SLC4A10: variants seen among roughly 807,000 people sequenced by gnomAD.
SLC4A10 encodes solute carrier family 4 member 10.
A neutral mutation model predicts 137.7 loss-of-function variants in SLC4A10; 42 were observed. The observed-to-expected ratio is 0.30, with a 90% CI of 0.24 to 0.39. The LOEUF is 0.39. Among genes scored for constraint, SLC4A10 ranks in the 10% least tolerant of loss-of-function variants. The probability of loss-of-function intolerance (pLI) is 1.00; values close to 1 mark genes in which losing one functional copy is unlikely to be tolerated. For synonymous variants in SLC4A10, 474 were observed against 464.1 expected (o/e 1.02, Z -0.27); for missense variants, 925 against 1,355.0 (o/e 0.68, Z 4.98).
At chr2:161,654,444 G>A (rs1001935208) in intron 1 of SLC4A10, among the ~76,000 whole-genome samples, 5 of 152,098 alleles carry the variant, frequency 3.3e-5, no homozygotes, top group South Asian at 2.1e-4. Context: ...TATTATAGTC[G>A]TGAAATCATT....
At position 161,976,766 on chromosome 2, in the gene SLC4A10, T is replaced by C. The variant is rs1184443597; in HGVS notation, c.3234T>C (p.Asp1078=). ...QLPLEGHYRD[D]PSVINISDEM... ...TGGGGAAACTCCTGTCTAGAGATGA[T>C]CCATCTGTGATCAATATATCTGATG... Residue 1078 remains aspartate, a synonymous_variant, in exon 25 of 27, where the codon GAT becomes GAC. Coordinates refer to ENST00000446997, the MANE Select transcript of SLC4A10 (RefSeq NM_001178015.2). The C allele has an allele frequency of 1.3e-6, 2 of 1,563,542 alleles. No homozygotes were observed. The highest frequency in any genetic ancestry group is 1.7e-6 in the Non-Finnish European group (2 of 1,150,666).
In SLC4A10 at chr2:161,712,083, A is replaced by G. The variant is rs74764172; in HGVS notation, c.49-58890A>G. Among the ~76,000 whole-genome samples, 1,044 of 152,000 alleles carry G rather than the reference A, an allele frequency of 6.9e-3. 20 individuals are homozygous for G. The highest frequency in any genetic ancestry group is 0.024 in the African/African-American group (1,016 of 41,520). The stretch of plus-strand genomic sequence containing the variant: ...TCTTTATCAAATAAGAAATTCAGCC[A>G]AAAATATATGCTACACTGAAATATA... On this transcript the variant is annotated intron_variant, in intron 1 of 26. Coordinates refer to ENST00000446997, the MANE Select transcript of SLC4A10 (RefSeq NM_001178015.2).
intron 15 of SLC4A10, among the ~76,000 whole-genome samples, chr2:161,938,857 C>T (rs1016086703): frequency 3.3e-5 from 5 of 151,614 alleles, no homozygotes; most frequent in Non-Finnish European, 1.5e-5. Context: ...ATAGTCCATA[C>T]ATATCCTAGG....
At chr2:161,696,842 A>G (rs1475150540) in intron 1 of SLC4A10, among the ~76,000 whole-genome samples, 1 of 152,118 alleles carries the variant, frequency 6.6e-6, no homozygotes, top group Non-Finnish European at 1.5e-5. Flanking sequence ...TGCTGGATCA[A>G]ATGGTATTTC....
chr2:161,779,685 C>G (rs1055003798), intron 2 of SLC4A10, among the ~76,000 whole-genome samples: 2 of 151,948 alleles, frequency 1.3e-5, no homozygotes, highest in African/African-American at 4.8e-5. Context: ...CCTCTACTTT[C>G]TAATATTTTA....
At position 161,957,241 on chromosome 2, in the gene SLC4A10, G is replaced by A. The variant is rs1695821464; in HGVS notation, c.2793+1G>A. ...AGTCTTTATGACCAGTATTCTGAAGGTAACAAAATCTGTCTTTATGAACTT... is the reference window on the plus strand; with the variant it reads ...AGTCTTTATGACCAGTATTCTGAAGATAACAAAATCTGTCTTTATGAACTT... On this transcript the variant is annotated splice_donor_variant, in intron 20 of 26. Coordinates refer to ENST00000446997, the MANE Select transcript of SLC4A10 (RefSeq NM_001178015.2). LOFTEE classifies it high-confidence loss of function. 1 of 1,610,426 alleles carries A rather than the reference G, an allele frequency of 6.2e-7. No individual in the cohort carries two copies. The highest frequency in any genetic ancestry group is 8.5e-7 in the Non-Finnish European group (1 of 1,178,226).
intron 1 of SLC4A10, among the ~76,000 whole-genome samples, chr2:161,686,780 T>C (rs569476678): frequency 1.3e-5 from 2 of 152,164 alleles, no homozygotes; most frequent in Non-Finnish European, 2.9e-5. Context: ...AGCAAGTTTA[T>C]TAAGGAAGTA....
intron 2 of SLC4A10, among the ~76,000 whole-genome samples, chr2:161,775,269 A>G (rs2052179524): frequency 6.6e-6 from 1 of 151,872 alleles, no homozygotes; most frequent in Non-Finnish European, 1.5e-5. Flanking sequence ...CCTCAGGAAC[A>G]TGGTATGCAG....
chr2:161,686,512 G>A (rs1425032100), intron 1 of SLC4A10, among the ~76,000 whole-genome samples: 4 of 152,134 alleles, frequency 2.6e-5, no homozygotes, highest in Admixed American at 6.5e-5. Flanking sequence ...TTGACAATAT[G>A]TATGTGGAGC....
chr2:161,918,268 G>C (rs1474538904), intron 15 of SLC4A10, among the ~76,000 whole-genome samples: 1 of 152,054 alleles, frequency 6.6e-6, no homozygotes, highest in Non-Finnish European at 1.5e-5. Flanking sequence ...TGATTCTCCT[G>C]TCTTAGTCTC....
chr2:161,740,324 C>T (rs1038774345), intron 1 of SLC4A10, among the ~76,000 whole-genome samples: 8 of 152,172 alleles, frequency 5.3e-5, no homozygotes, highest in African/African-American at 1.9e-4. Context: ...AGAGTCAGTT[C>T]TAGCTCCCTG....
chr2:161,829,070 T>C (rs2058245702), intron 3 of SLC4A10, among the ~76,000 whole-genome samples: 6 of 151,948 alleles, frequency 3.9e-5, no homozygotes, highest in African/African-American at 1.5e-4. Context: ...TATTATGTCC[T>C]TAATGCTGGT....
At chr2:161,779,321 T>C (rs10469686) in intron 2 of SLC4A10, among the ~76,000 whole-genome samples, 39,572 of 151,824 alleles carry the variant, frequency 0.26, 7,591 homozygotes, top group African/African-American at 0.55. Flanking sequence ...CACCTCCCAA[T>C]ACTGCCACAT....
At chr2:161,710,573 A>G in intron 1 of SLC4A10, 3 of 332,222 alleles carry the variant, frequency 9.0e-6, no homozygotes, top group Non-Finnish European at 6.2e-6. Flanking sequence ...AAGACTGGTT[A>G]GAATGTAGTT....
chr2:161,706,430 G>T (rs974810012), intron 1 of SLC4A10, among the ~76,000 whole-genome samples: 1 of 151,514 alleles, frequency 6.6e-6, no homozygotes, highest in Non-Finnish European at 1.5e-5. Flanking sequence ...TTCAATCCCT[G>T]AATTCTATCT....
chr2:161,960,833 A>C (rs1250337483), intron 21 of SLC4A10, among the ~76,000 whole-genome samples: 1 of 152,048 alleles, frequency 6.6e-6, no homozygotes, highest in Non-Finnish European at 1.5e-5. Context: ...CTCCCCTAAG[A>C]CCTTCAAAGG....
At chr2:161,687,806 C>T (rs1239534694) in intron 1 of SLC4A10, among the ~76,000 whole-genome samples, 3 of 152,250 alleles carry the variant, frequency 2.0e-5, no homozygotes, top group East Asian at 3.9e-4. Flanking sequence ...CTGGCATTTC[C>T]CCTGCTGGCA....
At chr2:161,735,739 G>A (rs193132249) in intron 1 of SLC4A10, among the ~76,000 whole-genome samples, 364 of 152,242 alleles carry the variant, frequency 2.4e-3, no homozygotes, top group Non-Finnish European at 2.6e-3. Flanking sequence ...TGCCATACTC[G>A]GCTTGACTCT....
intron 1 of SLC4A10, among the ~76,000 whole-genome samples, chr2:161,660,581 TTTCTTTC>T (rs1451142920): frequency 1.5e-3 from 197 of 131,422 alleles, no homozygotes; most frequent in Non-Finnish European, 2.5e-3. Flanking sequence ...TCTTTCTTTC[TTTCTTTC>T]TTTCTTTCTT....
Sources: allele counts gnomAD v4.1 joint callset (sites outside exome capture counted in the v4.1 genomes callset), GRCh38; gene constraint gnomAD v4.1.1; transcripts MANE v1.5; gene names NCBI Gene and HGNC (gene_info 2026-07-23, HGNC 2026-07-21).